The following TMEM178B variants were observed in gnomAD, a reference collection of about 807,000 sequenced individuals.
TMEM178B encodes transmembrane protein 178B.
TMEM178B carries 5 observed loss-of-function variants against 31.0 expected under a neutral mutation model. That is an observed-to-expected ratio of 0.16 (90% CI 0.08 to 0.34). The LOEUF is 0.34. Among genes scored for constraint, TMEM178B ranks in the 10% least tolerant of loss-of-function variants. The pLI is 1.00. For synonymous variants in TMEM178B, 164 were observed against 164.0 expected (o/e 1.00, Z 0.00); for missense variants, 275 against 400.3 (o/e 0.69, Z 2.67).
chr7:141,447,092 A>G lies in TMEM178B; in HGVS notation c.634+9347A>G, dbSNP rs182042877. On this transcript the variant is annotated intron_variant, in intron 3 of 3. Transcript: ENST00000565468. ...ATTATGTGCCAGACACTGTCGAGGCACCTAGGATACAGGGAAGAGCAGGAT... is the reference window on the plus strand; with the variant it reads ...ATTATGTGCCAGACACTGTCGAGGCGCCTAGGATACAGGGAAGAGCAGGAT... 2.0e-3 allele frequency among the ~76,000 whole-genome samples: 306 copies of G among 152,266 alleles called. 4 individuals are homozygous for G. Among genetic ancestry groups the G allele is most frequent in the Admixed American group, 0.016 (251 of 15,302 alleles).
intron 2 of TMEM178B, among the ~76,000 whole-genome samples, chr7:141,384,294 A>T (rs1800389447): frequency 1.3e-5 from 2 of 152,180 alleles, no homozygotes; most frequent in African/African-American, 4.8e-5. Context: ...GTCCTTGCCC[A>T]CGCCTGTGTC....
chr7:141,465,821 G>A (rs1329265252), intron 3 of TMEM178B, among the ~76,000 whole-genome samples: 3 of 152,056 alleles, frequency 2.0e-5, no homozygotes, highest in African/African-American at 4.8e-5. Context: ...CTAGGAATTC[G>A]AGGCCAGCCT....
intron 3 of TMEM178B, among the ~76,000 whole-genome samples, chr7:141,460,963 G>A (rs770486463): frequency 1.3e-5 from 2 of 152,202 alleles, no homozygotes; most frequent in African/African-American, 2.4e-5. Context: ...TGATGCAATC[G>A]TGTATAATTC....
At chr7:141,438,008 G>T (rs1424811165) in intron 3 of TMEM178B, among the ~76,000 whole-genome samples, 1 of 152,186 alleles carries the variant, frequency 6.6e-6, no homozygotes, top group Non-Finnish European at 1.5e-5. Flanking sequence ...AGACACTTAC[G>T]GAGATGATCA....
chr7:141,437,440 AG>A (rs1444343516), intron 2 of TMEM178B, among the ~76,000 whole-genome samples, 167 bp from the exon 3 acceptor site: 2 of 152,198 alleles, frequency 1.3e-5, no homozygotes, highest in Non-Finnish European at 2.9e-5. Context: ...GAGTCACCAC[AG>A]GGGATCCTCC....
At chr7:141,349,413 C>T (rs920034989) in intron 2 of TMEM178B, among the ~76,000 whole-genome samples, 2 of 152,134 alleles carry the variant, frequency 1.3e-5, no homozygotes, top group East Asian at 3.8e-4. Context: ...GGGGCCCAGA[C>T]ACGCTTTAGA....
intron 1 of TMEM178B, among the ~76,000 whole-genome samples, chr7:141,136,932 G>A (rs948570891): frequency 6.6e-6 from 1 of 152,092 alleles, no homozygotes; most frequent in Non-Finnish European, 1.5e-5. Flanking sequence ...TAAATAAATG[G>A]TCAACAGGTA....
intron 2 of TMEM178B, among the ~76,000 whole-genome samples, chr7:141,306,919 T>G (rs1756016942): frequency 6.6e-6 from 1 of 152,226 alleles, no homozygotes; most frequent in Admixed American, 6.5e-5. Context: ...GCAGACTATG[T>G]GGTCTGTCCC....
Position 141,477,362 on chromosome 7 carries a change from C to T in TMEM178B, c.*6576C>T, listed in dbSNP as rs73520468. 1,988 of 153,868 alleles carry T rather than the reference C, an allele frequency of 0.013. 39 individuals are homozygous for T. Among genetic ancestry groups the T allele is most frequent in the African/African-American group, 0.045 (1,876 of 41,568 alleles). The allele number at this position is 153,868 out of a possible 1,614,324, so 9.5% of individuals were successfully genotyped here. A position where few individuals can be genotyped will look rare whatever the true frequency, so the allele number is the denominator to read the frequency against. Reference sequence around the variant, plus strand: ...TTAGTTTTCTGAGGACTTCTGTGGACGGCCCTAAAATCCTGAGTTAGGGTG... The same window carrying T: ...TTAGTTTTCTGAGGACTTCTGTGGATGGCCCTAAAATCCTGAGTTAGGGTG... On this transcript the variant is annotated 3_prime_UTR_variant, in exon 4 of 4. Coordinates refer to ENST00000565468, the MANE Select transcript of TMEM178B (RefSeq NM_001195278.2).
chr7:141,403,330 T>C (rs1249840707), intron 2 of TMEM178B, among the ~76,000 whole-genome samples: 1 of 152,222 alleles, frequency 6.6e-6, no homozygotes, highest in Admixed American at 6.5e-5. Flanking sequence ...AGCTTCAGTT[T>C]TCTTTTCTGT....
At chr7:141,305,180 C>T (rs1798795373) in intron 2 of TMEM178B, among the ~76,000 whole-genome samples, 1 of 152,276 alleles carries the variant, frequency 6.6e-6, no homozygotes, top group East Asian at 1.9e-4. Flanking sequence ...TCGGGTTCTA[C>T]CATCACTTCA....
At chr7:141,369,701 C>T (rs1800077852) in intron 2 of TMEM178B, among the ~76,000 whole-genome samples, 1 of 152,198 alleles carries the variant, frequency 6.6e-6, no homozygotes, top group African/African-American at 2.4e-5. Context: ...CATTCTGCCA[C>T]TTTCACTCTT....
rs192041678 is a variant in TMEM178B at position 141,470,921 on chromosome 7, C to T, written c.*135C>T. 453 of 433,514 alleles carry T rather than the reference C, an allele frequency of 1.0e-3. 1 individual carries two copies. Among genetic ancestry groups the T allele is most frequent in the Admixed American group, 1.1e-3 (20 of 17,738 alleles). 26.9% of individuals were successfully genotyped at this position (433,514 alleles called of 1,614,324 possible). ...GTTGGCTCAGGCACCTGCATCTCGC[C>T]GGACTTTGTGTTGCCTCATCTCTGA... On this transcript the variant is annotated 3_prime_UTR_variant, in exon 4 of 4. Transcript: ENST00000565468.
intron 2 of TMEM178B, chr7:141,297,068 C>T (rs189993465): frequency 6.6e-6 from 1 of 152,194 alleles, no homozygotes. Context: ...AAAGAAATAA[C>T]CACCATTGTT....
At chr7:141,337,845 T>C (rs1028428202) in intron 2 of TMEM178B, among the ~76,000 whole-genome samples, 6 of 152,134 alleles carry the variant, frequency 3.9e-5, no homozygotes, top group African/African-American at 7.2e-5. Flanking sequence ...TGGTTTGATT[T>C]TTTTTTTTTT....
intron 2 of TMEM178B, among the ~76,000 whole-genome samples, chr7:141,409,496 T>C (rs144295113): frequency 3.1e-4 from 47 of 152,306 alleles, no homozygotes; most frequent in Non-Finnish European, 6.2e-4. Flanking sequence ...GAGGATTACG[T>C]GGGATAGTAT....
At chr7:141,416,580 T>C (rs1586946011) in intron 2 of TMEM178B, among the ~76,000 whole-genome samples, 1 of 152,358 alleles carries the variant, frequency 6.6e-6, no homozygotes, top group South Asian at 2.1e-4. Context: ...TTATTCCAAC[T>C]TGGAGGTAAA....
intron 2 of TMEM178B, among the ~76,000 whole-genome samples, chr7:141,220,311 AAATAATAATAATAATAATAATAAT>A (rs143440134): frequency 0.022 from 3,024 of 140,646 alleles, 111 homozygotes; most frequent in African/African-American, 0.074. Context: ...ACTCCATCTC[AAATAATAATAATAATAATAATAAT>A]AATAATAATA....
chr7:141,277,638 T>A (rs1396110128), intron 2 of TMEM178B, among the ~76,000 whole-genome samples: 1 of 152,118 alleles, frequency 6.6e-6, no homozygotes, highest in African/African-American at 2.4e-5. Context: ...ATTTTTCAGC[T>A]CTATTGTAAA....
Sources: gnomAD v4.1 joint callset for allele counts (sites outside exome capture counted in the v4.1 genomes callset) on GRCh38, gnomAD v4.1.1 for gene constraint, MANE v1.5 for transcripts, NCBI Gene and HGNC (gene_info 2026-07-23, HGNC 2026-07-21) for gene names.